PTPRT: variants seen among roughly 807,000 people sequenced by gnomAD.
PTPRT encodes the protein receptor-type tyrosine-protein phosphatase T.
In PTPRT, 56 loss-of-function variants were observed where a neutral mutation model predicts 176.8. The observed-to-expected ratio is 0.32, with a 90% confidence interval of 0.26 to 0.40. PTPRT has a LOEUF of 0.40. Ranked by LOEUF, PTPRT falls within the 10% of genes least tolerant of loss-of-function variation. The pLI is 1.00. For synonymous variants in PTPRT, 783 were observed against 739.0 expected, an observed-to-expected ratio of 1.06 and a Z score of -0.96; for missense variants, 1,540 against 1,908.2, an observed-to-expected ratio of 0.81 and a Z score of 3.60.
At chr20:42,756,825 A>G (rs942640435) in intron 5 of PTPRT, among the ~76,000 whole-genome samples, 189 bp from the exon 6 acceptor site, 1 of 152,108 alleles carries the variant, frequency 6.6e-6, no homozygotes, top group Non-Finnish European at 1.5e-5. Context: ...CTGAGGCAGG[A>G]GGATCATTTG....
chr20:42,457,090 C>T (rs2070937522), intron 8 of PTPRT, among the ~76,000 whole-genome samples: 1 of 152,110 alleles, frequency 6.6e-6, no homozygotes, highest in Admixed American at 6.6e-5. Context: ...ACACTATCAT[C>T]ATTTATCTTG....
intron 1 of PTPRT, among the ~76,000 whole-genome samples, chr20:43,166,306 C>T (rs1015557439): frequency 3.4e-5 from 5 of 148,860 alleles, no homozygotes; most frequent in East Asian, 2.0e-4. Flanking sequence ...CAACCCCGGG[C>T]GACAGAGCAA....
chr20:42,097,426 A>G (rs1164021249), intron 27 of PTPRT, among the ~76,000 whole-genome samples: 2 of 152,150 alleles, frequency 1.3e-5, no homozygotes, highest in Non-Finnish European at 2.9e-5. Flanking sequence ...CAGCCTCCAT[A>G]TGCCTAAAGC....
At position 42,464,918 on chromosome 20, in the gene PTPRT, A is replaced by G. The variant is rs376575134; in HGVS notation, c.1450+7348T>C. On this transcript the variant is annotated intron_variant, in intron 8 of 30. Transcript: ENST00000373187. Reference sequence around the variant, plus strand: ...GATCATTGGCTCATTAGAAATGTACACTTAATAAAGGTACTCATTCCTGAG... The same window carrying G: ...GATCATTGGCTCATTAGAAATGTACGCTTAATAAAGGTACTCATTCCTGAG... Among the ~76,000 whole-genome samples, 433 of 152,234 alleles carry G rather than the reference A, an allele frequency of 2.8e-3. 19 individuals are homozygous for G. In the South Asian group the frequency reaches 0.085, roughly 30 times the overall value.
At chr20:43,057,160 G>A (rs549272954) in intron 1 of PTPRT, among the ~76,000 whole-genome samples, 26 of 138,838 alleles carry the variant, frequency 1.9e-4, no homozygotes, top group African/African-American at 6.7e-4. Flanking sequence ...ACACAGGAGA[G>A]TTTCTTTGTG....
chr20:42,369,028 C>T (rs1439461882), intron 9 of PTPRT, among the ~76,000 whole-genome samples: 1 of 151,318 alleles, frequency 6.6e-6, no homozygotes, highest in Non-Finnish European at 1.5e-5. Context: ...CCCCTTCCTT[C>T]CTCCCTTCTT....
chr20:42,084,026 T>G (rs1295396108), intron 29 of PTPRT, among the ~76,000 whole-genome samples: 1 of 152,246 alleles, frequency 6.6e-6, no homozygotes, highest in Non-Finnish European at 1.5e-5. Context: ...TGTGTTCACT[T>G]TCTATTTCAT....
At chr20:42,468,092 G>A (rs1225763130) in intron 8 of PTPRT, among the ~76,000 whole-genome samples, 2 of 152,218 alleles carry the variant, frequency 1.3e-5, no homozygotes, top group Non-Finnish European at 2.9e-5. Context: ...TGAAGCCATG[G>A]GGCTCAGCAG....
At chr20:43,029,164 T>C (rs916171118) in intron 1 of PTPRT, among the ~76,000 whole-genome samples, 3 of 152,192 alleles carry the variant, frequency 2.0e-5, no homozygotes, top group African/African-American at 4.8e-5. Context: ...TTGTGAATGA[T>C]TGGAACAAAT....
chr20:43,027,814 GCA>G (rs1985977392), intron 1 of PTPRT, among the ~76,000 whole-genome samples: 2 of 152,122 alleles, frequency 1.3e-5, no homozygotes, highest in African/African-American at 4.8e-5. Flanking sequence ...TACCTACACA[GCA>G]CCGACAGCAT....
intron 1 of PTPRT, among the ~76,000 whole-genome samples, chr20:42,889,921 G>GA (rs2079164414): frequency 6.6e-6 from 1 of 152,026 alleles, no homozygotes; most frequent in South Asian, 2.1e-4. Flanking sequence ...ACACCCAATA[G>GA]AAAAAAAGCA....
At chr20:42,451,430 T>C (rs917203721) in intron 8 of PTPRT, among the ~76,000 whole-genome samples, 10 of 151,892 alleles carry the variant, frequency 6.6e-5, no homozygotes, top group Non-Finnish European at 1.3e-4. Flanking sequence ...TGAGTAGCAG[T>C]TGGATATGGG....
intron 25 of PTPRT, among the ~76,000 whole-genome samples, chr20:42,102,759 G>A (rs777396763): frequency 1.3e-5 from 2 of 152,224 alleles, no homozygotes; most frequent in Admixed American, 6.5e-5. Flanking sequence ...GTCTGAGTAT[G>A]GAAGGATGCC....
chr20:42,067,308 A>T, the PTPRT span, among the ~76,000 whole-genome samples: 2 of 152,166 alleles, frequency 1.3e-5, no homozygotes, highest in African/African-American at 4.8e-5. Flanking sequence ...ATCGGCATTT[A>T]GTGTTGGCTG....
intron 9 of PTPRT, among the ~76,000 whole-genome samples, chr20:42,422,069 A>C (rs1175109332): frequency 6.6e-6 from 1 of 152,238 alleles, no homozygotes; most frequent in Non-Finnish European, 1.5e-5. Flanking sequence ...TGGATTACAG[A>C]CTTAAATGTA....
At chr20:42,633,572 G>A (rs2074460214) in intron 7 of PTPRT, among the ~76,000 whole-genome samples, 2 of 151,284 alleles carry the variant, frequency 1.3e-5, no homozygotes, top group South Asian at 4.2e-4. Context: ...GAGGCAGGAA[G>A]ATCACTTGAG....
intron 2 of PTPRT, among the ~76,000 whole-genome samples, chr20:42,836,285 T>A (rs1479887590): frequency 6.6e-6 from 1 of 152,126 alleles, no homozygotes; most frequent in Non-Finnish European, 1.5e-5. Flanking sequence ...TCCTGGGAGT[T>A]TCTTTGTTCT....
chr20:42,320,206 C>T (rs542273187), intron 11 of PTPRT, among the ~76,000 whole-genome samples: 34 of 152,178 alleles, frequency 2.2e-4, no homozygotes, highest in Non-Finnish European at 4.3e-4. Flanking sequence ...TTCAGTATCT[C>T]CTGCTGTCCA....
At chr20:42,280,297 C>T (rs2057117627) in intron 13 of PTPRT, among the ~76,000 whole-genome samples, 1 of 152,170 alleles carries the variant, frequency 6.6e-6, no homozygotes, top group Non-Finnish European at 1.5e-5. Context: ...GTCTGCTTCC[C>T]TTTGTCCTAT....
Sources: allele counts gnomAD v4.1 joint callset (sites outside exome capture counted in the v4.1 genomes callset), GRCh38; gene constraint gnomAD v4.1.1; transcripts MANE v1.5; gene names NCBI Gene and HGNC (gene_info 2026-07-23, HGNC 2026-07-21).